TJP1: variants seen among roughly 807,000 people sequenced by gnomAD.
The protein encoded by TJP1 is tight junction protein ZO-1.
TJP1 carries 43 observed loss-of-function variants against 194.2 expected under a neutral mutation model. That is an observed-to-expected ratio of 0.22 (90% CI 0.17 to 0.29). The LOEUF (loss-of-function observed/expected upper bound fraction) is 0.29, where lower values mean the gene tolerates loss of function less well. TJP1 is among the 10% of genes least tolerant of loss of function. The pLI, the probability that TJP1 is intolerant of heterozygous loss-of-function variation, is 1.00. For synonymous variants in TJP1, 801 were observed against 779.0 expected (o/e 1.03, Z -0.47); for missense variants, 1,971 against 2,185.7 (o/e 0.90, Z 1.96).
intron 2 of TJP1, among the ~76,000 whole-genome samples, chr15:29,848,956 C>T (rs553335272): frequency 3.3e-5 from 5 of 151,792 alleles, no homozygotes; most frequent in Admixed American, 6.6e-5. Context: ...TTATAAAATA[C>T]TCTTTTTCAC....
intron 2 of TJP1, among the ~76,000 whole-genome samples, chr15:29,780,337 G>A (rs573932448): frequency 6.6e-6 from 1 of 152,106 alleles, no homozygotes; most frequent in South Asian, 2.1e-4. Flanking sequence ...TCAGGCATTA[G>A]ATTCTCATAA....
chr15:29,741,504 C>G, intron 9 of TJP1, 68 bp from the exon 10 acceptor site: 2 of 1,026,612 alleles, frequency 1.9e-6, no homozygotes, highest in Non-Finnish European at 3.0e-6. Context: ...AGCAACCAAG[C>G]AATATATGAT....
Position 29,870,682 on chromosome 15 carries a change from C to T in TJP1, c.307-69980G>A, listed in dbSNP as rs1284918801. ...TGCCCTCCAGATTTTACATAATGTGCCCTTATCAATTCCTGTCAGGAGAAC... is the reference window on the plus strand; with the variant it reads ...TGCCCTCCAGATTTTACATAATGTGTCCTTATCAATTCCTGTCAGGAGAAC... On this transcript the variant is annotated intron_variant, in intron 2 of 28. Coordinates refer to the TJP1 transcript ENST00000356107. Among the ~76,000 whole-genome samples the T allele has an allele frequency of 3.3e-5, 5 of 152,264 alleles. No homozygotes were observed. In the East Asian group the frequency reaches 9.6e-4, roughly 29 times the overall value.
chr15:29,742,520 A>G (rs2044491103), intron 9 of TJP1, 122 bp downstream of exon 9: 1 of 1,179,100 alleles, frequency 8.5e-7, no homozygotes, highest in Admixed American at 3.0e-5. Flanking sequence ...TGGAAGTCAT[A>G]TGCAGACAAA....
chr15:29,956,392 AG>A, intron 1 of TJP1: 5 of 1,283,404 alleles, frequency 3.9e-6, no homozygotes, highest in Non-Finnish European at 5.1e-6. Flanking sequence ...ATTCTTAAAA[AG>A]GCAGGTTTAC....
chr15:29,837,851 G>A (rs1719030), intron 2 of TJP1, among the ~76,000 whole-genome samples: 1,606 of 152,224 alleles, frequency 0.011, 34 homozygotes, highest in African/African-American at 0.037. Flanking sequence ...TTGCACCTCT[G>A]CTCTTCTCAA....
chr15:29,733,077 T>A lies in TJP1; in HGVS notation c.1736+17A>T. The A allele has an allele frequency of 6.2e-7, 1 of 1,606,950 alleles. No individual in the cohort carries two copies. The highest frequency in any genetic ancestry group is 2.2e-5 in the East Asian group (1 of 44,832). ...TTTACTTGATTCACTCTATGAGAAG[T>A]ATCCAAGCATTCATACCTGTTCTTA... On this transcript the variant is annotated intron_variant, in intron 13 of 27. Transcript: ENST00000614355.
At chr15:29,895,451 C>T (rs2053447501) in intron 2 of TJP1, among the ~76,000 whole-genome samples, 3 of 152,192 alleles carry the variant, frequency 2.0e-5, no homozygotes, top group Admixed American at 6.5e-5. Flanking sequence ...AAGTTCTTTG[C>T]CACTTTATAA....
chr15:29,850,610 C>T (rs529416305), intron 2 of TJP1, among the ~76,000 whole-genome samples: 1 of 151,934 alleles, frequency 6.6e-6, no homozygotes, highest in Admixed American at 6.6e-5. Context: ...GCTGGGATTA[C>T]AGGCATGAGC....
chr15:29,817,536 T>A (rs970323837), intron 1 of TJP1, among the ~76,000 whole-genome samples: 7 of 152,196 alleles, frequency 4.6e-5, no homozygotes, highest in South Asian at 4.1e-4. Context: ...TGCACACATA[T>A]GTTTACTGCA....
Position 29,720,707 on chromosome 15 carries a change from G to A in TJP1, c.2414C>T (p.Ala805Val), listed in dbSNP as rs768807966. The change falls in exon 19 of 28, where the codon GCG becomes GTG. Residue 805 changes from alanine to valine, a missense_variant and splice_region_variant. Around this residue, in one of 5 missense-constraint regions of TJP1, gnomAD observed 402 missense variants for 484.2 expected, o/e 0.83. Transcript: ENST00000614355. ...AAGGTCATCACTTGTAGCACCATCC[G>A]CCTGGGTCAAATAAAAGTAAATTAC... ...NQLVWVSEGKADGATSDDLDL... is the reference protein window; with the variant it reads ...NQLVWVSEGKVDGATSDDLDL... The A allele has an allele frequency of 1.4e-5, 22 of 1,579,802 alleles. No homozygotes were observed. In the African/African-American group the frequency reaches 1.5e-4, roughly 11 times the overall value.
chr15:29,875,308 C>T (rs144210398), intron 2 of TJP1, among the ~76,000 whole-genome samples: 12 of 152,286 alleles, frequency 7.9e-5, no homozygotes, highest in African/African-American at 2.6e-4. Context: ...ACCTGGGAGG[C>T]TTTTTAAGAG....
intron 1 of TJP1, among the ~76,000 whole-genome samples, chr15:29,806,450 C>A (rs2049117178): frequency 6.6e-6 from 1 of 152,144 alleles, no homozygotes; most frequent in Non-Finnish European, 1.5e-5. Flanking sequence ...CTTCAAGGAA[C>A]ACCCTTTCTT....
At chr15:29,779,373 T>G (rs1032532893) in intron 2 of TJP1, among the ~76,000 whole-genome samples, 2 of 152,080 alleles carry the variant, frequency 1.3e-5, no homozygotes, top group Non-Finnish European at 1.5e-5. Context: ...CCCCAATCTT[T>G]CTCCCCCACA....
chr15:29,896,255 C>T (rs2053473852), intron 2 of TJP1, among the ~76,000 whole-genome samples: 1 of 152,190 alleles, frequency 6.6e-6, no homozygotes, highest in South Asian at 2.1e-4. Context: ...CTTTCCTGTG[C>T]TGTTCTCCTG....
chr15:29,740,689 A>T (rs2044355476), intron 10 of TJP1, among the ~76,000 whole-genome samples: 2 of 152,148 alleles, frequency 1.3e-5, no homozygotes, highest in Non-Finnish European at 2.9e-5. Context: ...ATGGTTTGAA[A>T]TTTGTTTACA....
At chr15:29,791,206 T>C (rs959930792) in intron 2 of TJP1, among the ~76,000 whole-genome samples, 3 of 151,744 alleles carry the variant, frequency 2.0e-5, no homozygotes, top group African/African-American at 7.3e-5. Context: ...TTTTGTATTT[T>C]AGTAGAGACG....
chr15:29,760,133 C>A, intron 8 of TJP1: 1 of 684,556 alleles, frequency 1.5e-6, no homozygotes, highest in Non-Finnish European at 2.7e-6. Flanking sequence ...CAGCCCTGGA[C>A]TCATGTTTCA....
At chr15:29,862,867 C>T (rs916526986) in intron 2 of TJP1, among the ~76,000 whole-genome samples, 16 of 150,388 alleles carry the variant, frequency 1.1e-4, no homozygotes, top group South Asian at 2.2e-4. Flanking sequence ...CCAGGATGGT[C>T]GCGATCTCCT....
Sources: gnomAD v4.1 joint callset for allele counts (sites outside exome capture counted in the v4.1 genomes callset) on GRCh38, gnomAD v4.1.1 for gene constraint, gnomAD v4.1.1 regional missense constraint, MANE v1.5 for transcripts, NCBI Gene and HGNC (gene_info 2026-07-23, HGNC 2026-07-21) for gene names.